Variants in MTCL2 observed in about 807,000 individuals in gnomAD.
The protein encoded by MTCL2 is microtubule cross-linking factor 2.
the MTCL2 span, among the ~76,000 whole-genome samples, chr20:36,790,603 T>G: frequency 6.6e-6 from 1 of 151,192 alleles, no homozygotes; most frequent in Admixed American, 6.6e-5. Flanking sequence ...CCTGGCTAAT[T>G]TTTTGTATTT....
At chr20:36,804,959 C>G in the MTCL2 span, 1 of 1,581,526 alleles carries the variant, frequency 6.3e-7, no homozygotes, top group Non-Finnish European at 8.6e-7. Flanking sequence ...GGAGGGGAAC[C>G]TGGGTTCAGA....
chr20:36,855,405 C>G, the MTCL2 span, among the ~76,000 whole-genome samples: 874 of 152,354 alleles, frequency 5.7e-3, 12 homozygotes, highest in African/African-American at 0.02. Context: ...TCCACCTGCT[C>G]TGACCCCTGC....
chr20:36,849,060 C>CTTCTTTTTTTTTTTTT, the MTCL2 span, among the ~76,000 whole-genome samples: 1 of 62,240 alleles, frequency 1.6e-5, no homozygotes, highest in East Asian at 5.8e-4. Flanking sequence ...AGTTGGTTTC[C>CTTCTTTTTTTTTTTTT]TTTTTTTTTT....
At chr20:36,839,512 C>A in the MTCL2 span, 1 of 1,423,328 alleles carries the variant, frequency 7.0e-7, no homozygotes, top group Non-Finnish European at 9.7e-7. This position sits in a 1 kb window ranked among gnomAD's most constrained non-coding sequence, Gnocchi z 5.1. Context: ...ACTGGCCACA[C>A]CTAGGACTGA....
chr20:36,833,154 C>T, the MTCL2 span, among the ~76,000 whole-genome samples: 1 of 152,216 alleles, frequency 6.6e-6, no homozygotes, highest in Non-Finnish European at 1.5e-5. Flanking sequence ...TAAAGTCTCA[C>T]TCTCAGGCTG....
At chr20:36,842,451 G>A in the MTCL2 span, among the ~76,000 whole-genome samples, 6 of 152,330 alleles carry the variant, frequency 3.9e-5, no homozygotes, top group Admixed American at 2.6e-4. Context: ...TAATGTGACC[G>A]AATGATTTAA....
chr20:36,844,978 T>A, the MTCL2 span, among the ~76,000 whole-genome samples: 1 of 137,212 alleles, frequency 7.3e-6, no homozygotes, highest in East Asian at 2.1e-4. Flanking sequence ...ACCACTGCAC[T>A]CCACCCTGGG....
the MTCL2 span, chr20:36,839,249 C>A: frequency 6.2e-7 from 1 of 1,605,936 alleles, no homozygotes; most frequent in Non-Finnish European, 8.5e-7. The surrounding 1 kb of genome is among the most constrained non-coding windows in gnomAD (Gnocchi z 5.1). Flanking sequence ...CGGATAAGCT[C>A]GCCGTCCACC....
chr20:36,839,126 G>T, the MTCL2 span: 1 of 1,238,778 alleles, frequency 8.1e-7, no homozygotes, highest in Non-Finnish European at 1.1e-6. The surrounding 1 kb of genome is among the most constrained non-coding windows in gnomAD (Gnocchi z 5.1). Flanking sequence ...CTTGGCCATG[G>T]ACACACGGAA....
the MTCL2 span, among the ~76,000 whole-genome samples, chr20:36,823,298 G>C: frequency 6.6e-6 from 1 of 152,116 alleles, no homozygotes; most frequent in African/African-American, 2.4e-5. Flanking sequence ...TCCTTTCCCG[G>C]GCAACTGGCA....
chr20:36,797,431 T>TC, the MTCL2 span: 1 of 1,489,314 alleles, frequency 6.7e-7, no homozygotes, highest in East Asian at 2.5e-5. Flanking sequence ...TCCTCTCATG[T>TC]CCCCCACAAG....
the MTCL2 span, among the ~76,000 whole-genome samples, chr20:36,822,138 A>G: frequency 0.012 from 1,816 of 152,362 alleles, 39 homozygotes; most frequent in African/African-American, 0.042. Flanking sequence ...GCGGGCTCAG[A>G]GTGCACAAAG....
chr20:36,816,277 G>A, the MTCL2 span: 2 of 1,599,480 alleles, frequency 1.3e-6, no homozygotes, highest in African/African-American at 1.3e-5. Context: ...TTTGCAAAGT[G>A]CAACTGGCAC....
the MTCL2 span, among the ~76,000 whole-genome samples, chr20:36,817,945 A>G: frequency 3.3e-5 from 5 of 152,204 alleles, no homozygotes; most frequent in African/African-American, 1.2e-4. Context: ...CTCAAAGCTG[A>G]GTACCTCTCC....
the MTCL2 span, among the ~76,000 whole-genome samples, chr20:36,851,362 A>T: frequency 2.0e-4 from 30 of 152,224 alleles, no homozygotes; most frequent in Non-Finnish European, 1.5e-4. Context: ...CACATACAAA[A>T]GAAAACCCAA....
the MTCL2 span, among the ~76,000 whole-genome samples, chr20:36,832,572 G>A: frequency 2.3e-4 from 35 of 152,142 alleles, 1 homozygote; most frequent in Admixed American, 2.0e-3. Flanking sequence ...GATGACTCAC[G>A]CCTATAATCC....
At chr20:36,844,398 A>AT in the MTCL2 span, among the ~76,000 whole-genome samples, 8,216 of 148,134 alleles carry the variant, frequency 0.055, 276 homozygotes, top group Admixed American at 0.1. Flanking sequence ...TCTACAAAAA[A>AT]AAAATAATAA....
chr20:36,803,613 A>G, the MTCL2 span, among the ~76,000 whole-genome samples: 11 of 151,682 alleles, frequency 7.3e-5, no homozygotes, highest in Admixed American at 7.2e-4. Context: ...TTAGGAGGGG[A>G]GAGTAGTGGC....
At chr20:36,829,121 C>T in the MTCL2 span, 7 of 1,584,026 alleles carry the variant, frequency 4.4e-6, no homozygotes, top group African/African-American at 1.3e-5. Context: ...GAGCCGCTGA[C>T]GAAGCTCTTC....
Sources: gnomAD v4.1 joint callset for allele counts (sites outside exome capture counted in the v4.1 genomes callset) on GRCh38, gnomAD v4.1.1 for gene constraint, Gnocchi (gnomAD v3.1) non-coding constraint, MANE v1.5 for transcripts, NCBI Gene and HGNC (gene_info 2026-07-23, HGNC 2026-07-21) for gene names.